Variants in RNF150 observed in about 807,000 individuals in gnomAD.
RNF150 encodes the protein ring finger protein 150.
In RNF150, 24 loss-of-function variants were observed where a neutral mutation model predicts 39.3. That is an observed-to-expected ratio of 0.61 (90% CI 0.44 to 0.86). The LOEUF (loss-of-function observed/expected upper bound fraction) is 0.86. Among genes scored for constraint, RNF150 ranks in the 40% least tolerant of loss-of-function variants. The probability of loss-of-function intolerance (pLI) is 0.00; values close to 1 mark genes in which losing one functional copy is unlikely to be tolerated. For missense variants in RNF150, 502 were observed against 587.8 expected, an observed-to-expected ratio of 0.85 and a Z score of 1.51; for synonymous variants, 255 against 227.3, an observed-to-expected ratio of 1.12 and a Z score of -1.10.
chr4:141,138,587 G>GAT lies in RNF150; in HGVS notation c.-6+74205_-6+74206dup, dbSNP rs1425952541. On this transcript the variant is annotated intron_variant, in intron 1 of 7. Transcript: ENST00000420921. Reference sequence around the variant, plus strand: ...TTAGTTTCATATATCCTGTCCTAAAGATATTTCCTCTTCCCAGTCTTCCAT... The same window carrying GAT: ...TTAGTTTCATATATCCTGTCCTAAAGATATATTTCCTCTTCCCAGTCTTCCAT... Among the ~76,000 whole-genome samples, 5 of 152,262 alleles carry GAT rather than the reference G, an allele frequency of 3.3e-5. No individual in the cohort carries two copies. The East Asian group carries it at 9.6e-4, about 29-fold the overall frequency.
intron 1 of RNF150, among the ~76,000 whole-genome samples, chr4:141,072,049 G>A (rs1417628126): frequency 3.3e-5 from 5 of 152,068 alleles, no homozygotes; most frequent in Non-Finnish European, 5.9e-5. Context: ...CTAGGTCTGG[G>A]GCCTCAGATT....
intron 1 of RNF150, among the ~76,000 whole-genome samples, chr4:141,035,103 T>C (rs1041470790): frequency 1.3e-5 from 2 of 152,200 alleles, no homozygotes; most frequent in Non-Finnish European, 2.9e-5. Context: ...ACAAACTCTC[T>C]ACAATTTAAC....
intron 5 of RNF150, among the ~76,000 whole-genome samples, chr4:140,913,711 CA>C (rs1349033735): frequency 6.6e-6 from 1 of 152,190 alleles, no homozygotes; most frequent in East Asian, 1.9e-4. Context: ...TAAAGTGAAG[CA>C]ACCACACTAT....
At chr4:141,168,593 A>C (rs1727642137) in intron 1 of RNF150, among the ~76,000 whole-genome samples, 1 of 152,220 alleles carries the variant, frequency 6.6e-6, no homozygotes, top group African/African-American at 2.4e-5. Flanking sequence ...GCACATATAC[A>C]CCATGGGATA....
At chr4:141,120,921 G>C (rs1021952970) in intron 1 of RNF150, among the ~76,000 whole-genome samples, 1 of 152,164 alleles carries the variant, frequency 6.6e-6, no homozygotes, top group African/African-American at 2.4e-5. Context: ...ATGGCAGGGG[G>C]CAGGAAGGGA....
intron 1 of RNF150, among the ~76,000 whole-genome samples, chr4:140,970,487 A>T (rs1415765883): frequency 8.3e-6 from 1 of 120,572 alleles, no homozygotes; most frequent in African/African-American, 3.1e-5. Context: ...CCCATACAAT[A>T]TTCCTAAATT....
At chr4:141,106,843 C>G (rs974278062) in intron 1 of RNF150, among the ~76,000 whole-genome samples, 1 of 151,972 alleles carries the variant, frequency 6.6e-6, no homozygotes, top group Admixed American at 6.6e-5. Context: ...TTCTAGTCTA[C>G]AATGTTCTAG....
intron 1 of RNF150, among the ~76,000 whole-genome samples, chr4:141,156,652 G>A (rs1250390122): frequency 6.6e-6 from 1 of 151,366 alleles, no homozygotes; most frequent in Non-Finnish European, 1.5e-5. Flanking sequence ...CCAGCACTTT[G>A]GGAGGCTGAG....
intron 1 of RNF150, among the ~76,000 whole-genome samples, chr4:141,015,750 C>T (rs951852159): frequency 5.3e-5 from 8 of 152,052 alleles, no homozygotes; most frequent in African/African-American, 1.9e-4. Flanking sequence ...ACTTTTTTCT[C>T]TTACCTAATT....
In RNF150 at chr4:141,076,805, AG is replaced by A. The variant is rs143374769; in HGVS notation, c.484+55519del. 3.0e-3 allele frequency among the ~76,000 whole-genome samples: 454 copies of A among 152,294 alleles called. 2 individuals carry two copies. Among genetic ancestry groups the A allele is most frequent in the African/African-American group, 0.01 (436 of 41,574 alleles). On this transcript the variant is annotated intron_variant, in intron 1 of 6. Coordinates refer to ENST00000515673, the MANE Select transcript of RNF150 (RefSeq NM_020724.2). ...TCAAATAGTAAATACTAAATAGTTTAGTTTTTTTCATTTAAATTGTATTCAT... is the reference window on the plus strand; with the variant it reads ...TCAAATAGTAAATACTAAATAGTTTATTTTTTTCATTTAAATTGTATTCAT...
chr4:141,132,626 G>A lies in RNF150; in HGVS notation c.183C>T (p.Gly61=). ...CCGTGTGCAGCTCCGCGCCGCCGCC[G>A]CCCGCCGCCCCGGCCCCGGGGTCCG... is the stretch of plus-strand genomic sequence containing the variant. ...PAPDPGAGAA[G]GGGAELHTEK... The change falls in exon 1 of 7, where the codon GGC becomes GGT. Residue 61 remains glycine (G), a synonymous_variant. Transcript: ENST00000515673. This position sits in a 1 kb window ranked among gnomAD's most constrained non-coding sequence, Gnocchi z 4.9. The A allele has an allele frequency of 6.4e-7, 1 of 1,559,390 alleles. No homozygotes were observed. Among genetic ancestry groups the A allele is most frequent in the Non-Finnish European group, 8.6e-7 (1 of 1,157,546 alleles).
intron 1 of RNF150, among the ~76,000 whole-genome samples, chr4:141,030,798 G>T (rs1015937625): frequency 6.6e-6 from 1 of 152,040 alleles, no homozygotes; most frequent in African/African-American, 2.4e-5. Context: ...GGTTGCCAGG[G>T]GATAGGGGAG....
At chr4:141,075,699 T>C (rs3913895) in intron 1 of RNF150, among the ~76,000 whole-genome samples, 116,324 of 152,080 alleles carry the variant, frequency 0.76, 45,775 homozygotes, top group Non-Finnish European at 0.87. Context: ...TTCCATTTAG[T>C]TTCTCAAAAT....
At chr4:140,977,528 A>G (rs1489469192) in intron 1 of RNF150, among the ~76,000 whole-genome samples, 2 of 152,164 alleles carry the variant, frequency 1.3e-5, no homozygotes, top group Non-Finnish European at 2.9e-5. Flanking sequence ...ATCTGAAGTC[A>G]GTCTACCTTT....
At chr4:140,989,480 A>G (rs923168334) in intron 1 of RNF150, among the ~76,000 whole-genome samples, 1 of 152,156 alleles carries the variant, frequency 6.6e-6, no homozygotes, top group Non-Finnish European at 1.5e-5. Context: ...TGAGGCCTAG[A>G]GACTCACCCA....
chr4:140,906,645 C>G (rs1259965206), intron 6 of RNF150, among the ~76,000 whole-genome samples: 1 of 152,188 alleles, frequency 6.6e-6, no homozygotes, highest in Non-Finnish European at 1.5e-5. Flanking sequence ...TTCATTTCAA[C>G]TGGCCAAGTT....
chr4:141,016,792 ACTGT>A, intron 1 of RNF150, among the ~76,000 whole-genome samples: 1 of 151,832 alleles, frequency 6.6e-6, no homozygotes, highest in East Asian at 1.9e-4. Flanking sequence ...CTCCTCTCTA[ACTGT>A]CCCCCTAAAT....
intron 1 of RNF150, among the ~76,000 whole-genome samples, chr4:141,006,205 T>TAC (rs1734863122): frequency 7.1e-6 from 1 of 140,588 alleles, no homozygotes; most frequent in Admixed American, 7.5e-5. Context: ...ATTATATATA[T>TAC]ACACACATAT....
intron 1 of RNF150, among the ~76,000 whole-genome samples, chr4:141,073,743 T>C (rs1272566045): frequency 2.6e-5 from 4 of 152,318 alleles, no homozygotes; most frequent in East Asian, 1.9e-4. Context: ...TTTTTATGTC[T>C]GACCAGCTGG....
Sources: allele counts gnomAD v4.1 joint callset (sites outside exome capture counted in the v4.1 genomes callset), GRCh38; gene constraint gnomAD v4.1.1; non-coding constraint Gnocchi (gnomAD v3.1); transcripts MANE v1.5; gene names NCBI Gene and HGNC (gene_info 2026-07-23, HGNC 2026-07-21).